The following SLMAP variants were observed in gnomAD, a reference collection of about 807,000 sequenced individuals.
SLMAP encodes sarcolemma associated protein, also known as sarcolemmal membrane-associated protein.
In SLMAP, 44 loss-of-function variants were observed where a neutral mutation model predicts 128.8. The observed-to-expected ratio is 0.34, with a 90% confidence interval of 0.27 to 0.44. The LOEUF is 0.44. SLMAP is among the 20% of genes least tolerant of loss of function. The probability of loss-of-function intolerance (pLI) is 1.00; values close to 1 mark genes in which losing one functional copy is unlikely to be tolerated. For missense variants in SLMAP, 787 were observed against 985.3 expected, an observed-to-expected ratio of 0.80 and a Z score of 2.69; for synonymous variants, 327 against 348.8, an observed-to-expected ratio of 0.94 and a Z score of 0.70.
chr3:57,898,903 A>G (rs2096302639), intron 17 of SLMAP: 1 of 152,146 alleles, frequency 6.6e-6, no homozygotes. Context: ...AACCAACTTT[A>G]TAGGTTTATT....
chr3:57,782,607 G>A (rs994116603), intron 2 of SLMAP, among the ~76,000 whole-genome samples: 1 of 152,058 alleles, frequency 6.6e-6, no homozygotes, highest in Non-Finnish European at 1.5e-5. Flanking sequence ...CAAGTAGCTG[G>A]GACTACAGGT....
intron 22 of SLMAP, among the ~76,000 whole-genome samples, chr3:57,921,464 TA>T (rs1236350459): frequency 1.3e-5 from 2 of 151,876 alleles, no homozygotes; most frequent in African/African-American, 4.8e-5. Context: ...CCATTTCTAC[TA>T]AAAGTACAAA....
At chr3:57,818,799 A>G (rs1304599470) in intron 2 of SLMAP, among the ~76,000 whole-genome samples, 2 of 152,340 alleles carry the variant, frequency 1.3e-5, no homozygotes, top group African/African-American at 4.8e-5. Context: ...AAAACTTCCT[A>G]GGGAAAAATG....
In SLMAP at chr3:57,877,613, T is replaced by A. The variant is rs75605669; in HGVS notation, c.1300+5915T>A. Among the ~76,000 whole-genome samples the A allele has an allele frequency of 2.3e-3, 348 of 152,252 alleles. 1 individual carries two copies. Among genetic ancestry groups the A allele is most frequent in the African/African-American group, 7.7e-3 (318 of 41,554 alleles). On this transcript the variant is annotated intron_variant, in intron 14 of 24. Coordinates refer to ENST00000671191, the MANE Select transcript of SLMAP (RefSeq NM_001377540.1). ...TTCAATCTAAGATGTATTAGAGAGT[T>A]GTTTGTACTGATCATTTCCCTAGTC... is the stretch of plus-strand genomic sequence containing the variant.
intron 17 of SLMAP, among the ~76,000 whole-genome samples, chr3:57,906,611 CT>C (rs1353256200): frequency 6.8e-6 from 1 of 146,400 alleles, no homozygotes; most frequent in Non-Finnish European, 1.5e-5. Flanking sequence ...ACCACCGCGC[CT>C]AGGCCAGAAT....
chr3:57,927,105 G>C (rs1041518801), intron 24 of SLMAP, among the ~76,000 whole-genome samples, 191 bp from the exon 25 acceptor site: 1 of 151,964 alleles, frequency 6.6e-6, no homozygotes, highest in Non-Finnish European at 1.5e-5. Flanking sequence ...TGGTGTTCCT[G>C]CTATTATGAC....
At chr3:57,787,657 G>T (rs2084521887) in intron 2 of SLMAP, among the ~76,000 whole-genome samples, 1 of 152,144 alleles carries the variant, frequency 6.6e-6, no homozygotes, top group Admixed American at 6.5e-5. Flanking sequence ...TGTATTTTTA[G>T]TAGAGACGGG....
chr3:57,783,638 G>T (rs1307084170), intron 2 of SLMAP, among the ~76,000 whole-genome samples: 1 of 152,176 alleles, frequency 6.6e-6, no homozygotes, highest in East Asian at 1.9e-4. Flanking sequence ...AGAGTGAAAA[G>T]GCATGTTTAA....
chr3:57,885,423 G>GT (rs71091314), intron 14 of SLMAP, among the ~76,000 whole-genome samples: 31,089 of 135,072 alleles, frequency 0.23, 4,254 homozygotes, highest in Non-Finnish European at 0.32. Flanking sequence ...TTGTTTTTGT[G>GT]TTTTTTTTTT....
chr3:57,836,642 A>G (rs1219258488), intron 3 of SLMAP, among the ~76,000 whole-genome samples: 2 of 152,182 alleles, frequency 1.3e-5, no homozygotes, highest in Non-Finnish European at 2.9e-5. Flanking sequence ...CCCACCAACA[A>G]TCTGATTTTG....
At chr3:57,771,551 A>G (rs1413677636) in intron 2 of SLMAP, among the ~76,000 whole-genome samples, 1 of 151,770 alleles carries the variant, frequency 6.6e-6, no homozygotes, top group Non-Finnish European at 1.5e-5. Context: ...TTTTTTTTAG[A>G]CAGGGTCTTG....
intron 6 of SLMAP, among the ~76,000 whole-genome samples, chr3:57,853,834 G>A (rs1297627757): frequency 6.7e-6 from 1 of 149,368 alleles, no homozygotes; most frequent in African/African-American, 2.5e-5. Flanking sequence ...CCAGCTACTC[G>A]GGAGGCTGAG....
At chr3:57,825,457 T>G (rs760767330) in intron 2 of SLMAP, among the ~76,000 whole-genome samples, 3 of 152,032 alleles carry the variant, frequency 2.0e-5, no homozygotes, top group Non-Finnish European at 4.4e-5. Context: ...AGATTTTATA[T>G]TTCATCAAAT....
chr3:57,915,946 C>CA (rs1417649560), intron 21 of SLMAP, among the ~76,000 whole-genome samples: 1 of 152,038 alleles, frequency 6.6e-6, no homozygotes, highest in East Asian at 1.9e-4. Flanking sequence ...CACCTGAGGT[C>CA]AGAAGTTCAA....
At chr3:57,828,540 A>C (rs963384321) in intron 2 of SLMAP, among the ~76,000 whole-genome samples, 2 of 152,172 alleles carry the variant, frequency 1.3e-5, no homozygotes, top group African/African-American at 4.8e-5. Context: ...GAAGGAAAAG[A>C]GTGGGAGTGA....
At chr3:57,775,444 A>C (rs181272981) in intron 2 of SLMAP, among the ~76,000 whole-genome samples, 1 of 144,894 alleles carries the variant, frequency 6.9e-6, no homozygotes, top group Non-Finnish European at 1.5e-5. Flanking sequence ...AGGCTGAGGC[A>C]GGAGGATTAC....
At chr3:57,926,065 G>A (rs573298564) in intron 24 of SLMAP, 131 bp downstream of exon 24, 16 of 666,604 alleles carry the variant, frequency 2.4e-5, no homozygotes, top group Middle Eastern at 2.5e-4. Flanking sequence ...TTAGTATGCC[G>A]TGTATTTGTG....
intron 8 of SLMAP, among the ~76,000 whole-genome samples, chr3:57,860,002 A>T (rs916799626): frequency 1.3e-5 from 2 of 152,020 alleles, no homozygotes; most frequent in Admixed American, 1.3e-4. Context: ...GTGTTTTCTC[A>T]CTCCACTTAG....
chr3:57,778,145 A>T (rs534895113), intron 2 of SLMAP, among the ~76,000 whole-genome samples: 1 of 152,244 alleles, frequency 6.6e-6, no homozygotes, highest in East Asian at 1.9e-4. Flanking sequence ...GTTGTAAACT[A>T]TAAGTTCAAT....
Sources: gnomAD v4.1 joint callset for allele counts (sites outside exome capture counted in the v4.1 genomes callset) on GRCh38, gnomAD v4.1.1 for gene constraint, MANE v1.5 for transcripts, NCBI Gene and HGNC (gene_info 2026-07-23, HGNC 2026-07-21) for gene names.